Variants in PSME4 observed in about 807,000 individuals in gnomAD.
The protein encoded by PSME4 is proteasome activator subunit 4, also known as proteasome activator complex subunit 4.
Under a neutral mutation model 253.9 loss-of-function variants are expected in PSME4, and 89 were observed. The ratio of observed to expected loss-of-function variants is 0.35; its 90% confidence interval spans 0.30 to 0.42. The LOEUF is 0.42. Ranked by LOEUF, PSME4 falls within the 10% of genes least tolerant of loss-of-function variation. The pLI, the probability that PSME4 is intolerant of heterozygous loss-of-function variation, is 1.00. For missense variants in PSME4, 2,014 were observed against 2,195.2 expected, an observed-to-expected ratio of 0.92 and a Z score of 1.65; for synonymous variants, 851 against 759.2, an observed-to-expected ratio of 1.12 and a Z score of -1.99.
At chr2:53,891,974 G>T (rs963007366) in intron 36 of PSME4, among the ~76,000 whole-genome samples, 1 of 151,986 alleles carries the variant, frequency 6.6e-6, no homozygotes, top group Non-Finnish European at 1.5e-5. Flanking sequence ...CAGCAGGAAG[G>T]GTTTGAGACA....
rs1193686734 is a variant in PSME4 at position 53,896,835 on chromosome 2, G to A, written c.3657C>T (p.His1219=). The A allele has an allele frequency of 6.2e-7, 1 of 1,611,776 alleles. No homozygotes were observed. Among genetic ancestry groups the A allele is most frequent in the Non-Finnish European group, 8.5e-7 (1 of 1,178,042 alleles). ...CACAGGGGTTAATGGTCAGCTTTTT[G>A]TGGGTTCTTTTTAGCTGTTTAAGGA... is the stretch of plus-strand genomic sequence containing the variant. ...AGILKQLKRT[H]KKLTINPCEI... The change falls in exon 32 of 47, where the codon CAC becomes CAT. Residue 1219 remains histidine, a synonymous_variant. Coordinates refer to ENST00000404125, the MANE Select transcript of PSME4 (RefSeq NM_014614.3).
chr2:53,953,471 G>A (rs1279886476), intron 1 of PSME4, among the ~76,000 whole-genome samples: 1 of 132,502 alleles, frequency 7.5e-6, no homozygotes, highest in East Asian at 2.2e-4. Flanking sequence ...GCAACATGGT[G>A]AAACCCCATG....
At chr2:53,942,264 C>T (rs1306233717) in intron 3 of PSME4, 1 of 152,406 alleles carries the variant, frequency 6.6e-6, no homozygotes, top group African/African-American at 2.4e-5. Context: ...CTAGATGCTA[C>T]TAGACTACAT....
Position 53,949,144 on chromosome 2 carries a change from T to C in PSME4, c.382A>G (p.Lys128Glu). Residue 128 changes from lysine to glutamate, a missense_variant and splice_region_variant, in exon 2 of 47, where the codon AAG becomes GAG. By Grantham distance (56) the Lys-to-Glu change is moderately conservative. This residue lies in a region of PSME4 where 615 missense variants were observed against 594.4 expected (regional missense o/e 1.03). Coordinates refer to ENST00000404125, the MANE Select transcript of PSME4 (RefSeq NM_014614.3). ...GFARLLINLL[K>E]KKELLSRADL... ...AGAAACCTCTGGAAAAAGACTTACTTTAACAAGTTGATCAAAAGGCGGGCA... is the reference window on the plus strand; with the variant it reads ...AGAAACCTCTGGAAAAAGACTTACTCTAACAAGTTGATCAAAAGGCGGGCA... 6.3e-7 allele frequency: 1 copy of C among 1,592,298 alleles called. No individual in the cohort carries two copies.
chr2:53,903,935 G>T, intron 27 of PSME4, 90 bp downstream of exon 27: 1 of 1,042,286 alleles, frequency 9.6e-7, no homozygotes, highest in Non-Finnish European at 1.4e-6. Flanking sequence ...TCTCAGTGGT[G>T]AAGAAGATAT....
intron 1 of PSME4, among the ~76,000 whole-genome samples, chr2:53,962,208 G>C (rs370780448): frequency 2.6e-4 from 40 of 151,548 alleles, no homozygotes; most frequent in Admixed American, 7.2e-4. Flanking sequence ...AATTTTGCTT[G>C]TAAGAGAAGT....
chr2:53,906,429 T>C (rs1680662382), intron 26 of PSME4, among the ~76,000 whole-genome samples, 169 bp downstream of exon 26: 1 of 152,190 alleles, frequency 6.6e-6, no homozygotes, highest in Non-Finnish European at 1.5e-5. Flanking sequence ...TTGGTCCTGG[T>C]TTTATTACTT....
intron 42 of PSME4, among the ~76,000 whole-genome samples, chr2:53,874,875 G>T (rs1285667985): frequency 6.6e-6 from 1 of 152,162 alleles, no homozygotes; most frequent in Non-Finnish European, 1.5e-5. Flanking sequence ...AACCTGGGGG[G>T]CGGAGGTTGC....
chr2:53,889,977 TA>T, intron 37 of PSME4, 126 bp downstream of exon 37: 3 of 735,354 alleles, frequency 4.1e-6, no homozygotes, highest in African/African-American at 1.8e-5. Context: ...AAATAAAAAA[TA>T]AAAACAATTA....
intron 34 of PSME4, among the ~76,000 whole-genome samples, chr2:53,894,143 A>G (rs1000407603): frequency 1.3e-5 from 2 of 152,212 alleles, no homozygotes; most frequent in African/African-American, 4.8e-5. Context: ...TCAAGCCCCA[A>G]CAAATCACTT....
chr2:53,926,321 T>C (rs1363913207), intron 12 of PSME4, among the ~76,000 whole-genome samples: 1 of 152,218 alleles, frequency 6.6e-6, no homozygotes, highest in African/African-American at 2.4e-5. Context: ...TTTTGCAAAG[T>C]CTAGTCTCTC....
At chr2:53,910,430 A>G (rs925582178) in intron 20 of PSME4, among the ~76,000 whole-genome samples, 1 of 152,256 alleles carries the variant, frequency 6.6e-6, no homozygotes, top group African/African-American at 2.4e-5. Context: ...AAACCTTTAC[A>G]TAAAGAAAAG....
intron 1 of PSME4, among the ~76,000 whole-genome samples, chr2:53,959,352 G>A (rs377256786): frequency 7.2e-5 from 11 of 151,972 alleles, no homozygotes; most frequent in Non-Finnish European, 1.3e-4. Flanking sequence ...GTGACAGAGC[G>A]AGACTCTGTC....
intron 40 of PSME4, 92 bp downstream of exon 40, chr2:53,887,167 T>C: frequency 1.7e-6 from 2 of 1,176,540 alleles, no homozygotes; most frequent in Non-Finnish European, 2.5e-6. Context: ...ATTATGTCTA[T>C]TTTACCACAA....
At chr2:53,882,955 TATC>T (rs1210705299) in intron 41 of PSME4, among the ~76,000 whole-genome samples, 5 of 151,992 alleles carry the variant, frequency 3.3e-5, no homozygotes, top group Non-Finnish European at 5.9e-5. Context: ...CAGTGGCTGT[TATC>T]ATACACAATT....
At chr2:53,951,387 A>G (rs1306350360) in intron 1 of PSME4, among the ~76,000 whole-genome samples, 1 of 152,204 alleles carries the variant, frequency 6.6e-6, no homozygotes, top group Non-Finnish European at 1.5e-5. Context: ...CAGCACTTAC[A>G]TTTAATTTCT....
chr2:53,891,974 G>A (rs963007366), intron 36 of PSME4, among the ~76,000 whole-genome samples: 1 of 151,986 alleles, frequency 6.6e-6, no homozygotes, highest in East Asian at 1.9e-4. Context: ...CAGCAGGAAG[G>A]GTTTGAGACA....
intron 26 of PSME4, among the ~76,000 whole-genome samples, chr2:53,904,620 C>T (rs1680562650): frequency 6.6e-6 from 1 of 152,204 alleles, no homozygotes; most frequent in South Asian, 2.1e-4. Context: ...TACAATCTCA[C>T]ATATTTTTGA....
At position 53,927,486 on chromosome 2, in the gene PSME4, G is replaced by GT; in HGVS notation, c.1504-4dup. On this transcript the variant is annotated splice_region_variant and splice_polypyrimidine_tract_variant and intron_variant, in intron 11 of 46. Coordinates refer to ENST00000404125, the MANE Select transcript of PSME4 (RefSeq NM_014614.3). The stretch of plus-strand genomic sequence containing the variant: ...GTTGCTATGAACTGGAATGTGATCT[G>GT]TGGAAACATACAAAGGATTTTCAAC... 6.4e-7 allele frequency: 1 copy of GT among 1,560,020 alleles called. No individual in the cohort carries two copies. Among genetic ancestry groups the GT allele is most frequent in the Non-Finnish European group, 8.8e-7 (1 of 1,130,920 alleles).
Sources: allele counts gnomAD v4.1 joint callset (sites outside exome capture counted in the v4.1 genomes callset), GRCh38; gene constraint gnomAD v4.1.1; regional missense constraint gnomAD v4.1.1; transcripts MANE v1.5; gene names NCBI Gene and HGNC (gene_info 2026-07-23, HGNC 2026-07-21).